MYO5B: variants seen among roughly 807,000 people sequenced by gnomAD.
MYO5B encodes myosin VB, also known as unconventional myosin-Vb.
Under a neutral mutation model 229.3 loss-of-function variants are expected in MYO5B, and 143 were observed. That is an observed-to-expected ratio of 0.62 (90% CI 0.54 to 0.72). The LOEUF (loss-of-function observed/expected upper bound fraction) is 0.72. Ranked by LOEUF, MYO5B falls within the 30% of genes least tolerant of loss-of-function variation. MYO5B has a pLI of 0.00. For missense variants in MYO5B, 2,321 were observed against 2,331.0 expected, an observed-to-expected ratio of 1.00 and a Z score of 0.09; for synonymous variants, 918 against 885.2, an observed-to-expected ratio of 1.04 and a Z score of -0.66.
intron 14 of MYO5B, among the ~76,000 whole-genome samples, chr18:49,937,788 G>A (rs1187032508): frequency 6.6e-6 from 1 of 151,876 alleles, no homozygotes; most frequent in Non-Finnish European, 1.5e-5. Flanking sequence ...GGAATAGAAA[G>A]TAGGTTATTG....
chr18:49,857,751 G>A (rs1041606077), intron 29 of MYO5B, among the ~76,000 whole-genome samples: 1 of 152,182 alleles, frequency 6.6e-6, no homozygotes, highest in African/African-American at 2.4e-5. Context: ...GGCAGCTCCT[G>A]GAGGTCAGGT....
At chr18:50,000,622 T>C (rs2026035796) in intron 5 of MYO5B, among the ~76,000 whole-genome samples, 1 of 152,222 alleles carries the variant, frequency 6.6e-6, no homozygotes, top group Admixed American at 6.5e-5. Context: ...CAAACTTCTC[T>C]GGCCTGTAGT....
Position 49,992,351 on chromosome 18 carries a change from C to G in MYO5B, c.693G>C (p.Arg231Ser). The G allele has an allele frequency of 6.2e-7, 1 of 1,614,170 alleles. No homozygotes were observed. The highest frequency in any genetic ancestry group is 8.5e-7 in the Non-Finnish European group (1 of 1,180,024). The change falls in exon 6 of 40, where the codon AGG (arginine) becomes AGC (serine). Residue 231 changes from arginine to serine, a missense_variant. Transcript: ENST00000285039. ...TCATGTTGGCCCCGATGATGTGGTA[C>G]CTTTTGTCAAAGCCAATCTGGATGT... ...GKYIQIGFDK[R>S]YHIIGANMRT...
chr18:49,848,862 T>A (rs1401033121), intron 32 of MYO5B, among the ~76,000 whole-genome samples: 1 of 151,906 alleles, frequency 6.6e-6, no homozygotes, highest in Non-Finnish European at 1.5e-5. Context: ...GACCTTCCAG[T>A]CTAGAGGAGC....
intron 39 of MYO5B, among the ~76,000 whole-genome samples, chr18:49,829,093 T>TC (rs2023882990): frequency 6.6e-6 from 1 of 151,384 alleles, no homozygotes; most frequent in Non-Finnish European, 1.5e-5. Context: ...ATTTTTTTTT[T>TC]TTTTTTAAGA....
intron 39 of MYO5B, among the ~76,000 whole-genome samples, chr18:49,828,409 A>G (rs1293641665): frequency 6.6e-6 from 1 of 152,266 alleles, no homozygotes; most frequent in Non-Finnish European, 1.5e-5. Flanking sequence ...AAACATCTGC[A>G]TCTAGCAACA....
chr18:50,166,776 G>C lies in MYO5B; in HGVS notation c.27+27991C>G, dbSNP rs950892463. Among the ~76,000 whole-genome samples the C allele has an allele frequency of 7.2e-5, 11 of 152,216 alleles. No homozygotes were observed. In the South Asian group the frequency reaches 8.3e-4, roughly 11 times the overall value. On this transcript the variant is annotated intron_variant, in intron 1 of 39. Transcript: ENST00000285039. ...GGTCTTATATGGAAAATACCACTGA[G>C]AGGAACACAATGCATGATTGAGAAG...
chr18:50,038,526 A>G (rs1319755396), intron 3 of MYO5B, among the ~76,000 whole-genome samples: 2 of 152,308 alleles, frequency 1.3e-5, no homozygotes, highest in Admixed American at 6.5e-5. Flanking sequence ...ACAGCCTCAC[A>G]TGTTCTGCTT....
In MYO5B at chr18:49,856,836, G is replaced by A. The variant is rs1463896731; in HGVS notation, c.3999C>T (p.Tyr1333=). ...LNEDGELGLA[Y]QGLKQVARLL... ...ACCTGGCAACTTGCTTTAGGCCTTG[G>A]TAGGCCAAGCCGAGTTCTCCATCTT... The change falls in exon 30 of 40, where the codon TAC becomes TAT. Residue 1333 remains tyrosine (Y), a synonymous_variant. Transcript: ENST00000285039. The A allele has an allele frequency of 1.9e-6, 3 of 1,614,112 alleles. No homozygotes were observed. Among genetic ancestry groups the A allele is most frequent in the African/African-American group, 1.3e-5 (1 of 75,068 alleles).
chr18:49,982,438 T>C (rs1044192957), intron 8 of MYO5B, among the ~76,000 whole-genome samples: 1 of 152,160 alleles, frequency 6.6e-6, no homozygotes, highest in Admixed American at 6.5e-5. Flanking sequence ...ATTTAAGTGG[T>C]AGACACAGAA....
intron 5 of MYO5B, among the ~76,000 whole-genome samples, chr18:49,996,894 A>G (rs2025993732): frequency 6.6e-6 from 1 of 152,254 alleles, no homozygotes; most frequent in East Asian, 1.9e-4. Context: ...TACATGAAAG[A>G]AAACAGGAGA....
At chr18:50,040,010 T>G in intron 3 of MYO5B, 133 bp downstream of exon 3, 1 of 1,035,030 alleles carries the variant, frequency 9.7e-7, no homozygotes, top group South Asian at 1.3e-5. Flanking sequence ...ATTGCAAACC[T>G]TTCAAGGGTC....
At chr18:50,155,731 C>A in intron 1 of MYO5B, among the ~76,000 whole-genome samples, 1 of 152,164 alleles carries the variant, frequency 6.6e-6, no homozygotes, top group Non-Finnish European at 1.5e-5. Flanking sequence ...TTTTACCAAT[C>A]AGAAAAGCAA....
chr18:50,024,888 TC>T (rs1160753945), intron 4 of MYO5B, among the ~76,000 whole-genome samples: 1 of 152,186 alleles, frequency 6.6e-6, no homozygotes, highest in Non-Finnish European at 1.5e-5. Flanking sequence ...TTTGGGGAGT[TC>T]CTTTAAGTCA....
intron 1 of MYO5B, among the ~76,000 whole-genome samples, chr18:50,156,185 G>C (rs1235101835): frequency 6.6e-6 from 1 of 152,166 alleles, no homozygotes; most frequent in East Asian, 1.9e-4. Flanking sequence ...TCAACTTCTA[G>C]GGAACATCCA....
intron 3 of MYO5B, among the ~76,000 whole-genome samples, chr18:50,038,925 G>A (rs1039839153): frequency 2.0e-5 from 3 of 152,126 alleles, no homozygotes; most frequent in Non-Finnish European, 4.4e-5. Context: ...TGGAGTGAAG[G>A]AGCTTTTGGG....
chr18:50,183,108 C>T (rs2144351143), intron 1 of MYO5B, among the ~76,000 whole-genome samples: 1 of 152,056 alleles, frequency 6.6e-6, no homozygotes, highest in South Asian at 2.1e-4. Context: ...CATTATAACT[C>T]ATCCTATTTT....
chr18:49,843,133 G>A (rs2144041252), intron 34 of MYO5B, 108 bp downstream of exon 34: 1 of 1,405,834 alleles, frequency 7.1e-7, no homozygotes, highest in African/African-American at 1.4e-5. Flanking sequence ...CAAAGTTGGA[G>A]CCCTAGGAGC....
At position 50,051,193 on chromosome 18, in the gene MYO5B, T is replaced by C. The variant is rs549786016; in HGVS notation, c.138+4075A>G. On this transcript the variant is annotated intron_variant, in intron 2 of 39. Transcript: ENST00000285039. ...TTAAAAATATGAGATTTAAATAATT[T>C]GATAAAATATACTTTAAACAGATGT... Among the ~76,000 whole-genome samples the C allele has an allele frequency of 4.6e-5, 7 of 152,336 alleles. No homozygotes were observed. In the South Asian group the frequency reaches 1.4e-3, roughly 32 times the overall value.
Sources: allele counts gnomAD v4.1 joint callset (sites outside exome capture counted in the v4.1 genomes callset), GRCh38; gene constraint gnomAD v4.1.1; transcripts MANE v1.5; gene names NCBI Gene and HGNC (gene_info 2026-07-23, HGNC 2026-07-21).